Variants in ABCB8 observed in about 807,000 individuals in gnomAD.
The protein encoded by ABCB8 is ATP binding cassette subfamily B member 8.
Under a neutral mutation model 73.0 loss-of-function variants are expected in ABCB8, and 52 were observed. That is an observed-to-expected ratio of 0.71 (90% CI 0.57 to 0.90). ABCB8 has a LOEUF of 0.90. Ranked by LOEUF, ABCB8 falls within the 40% of genes least tolerant of loss-of-function variation. The pLI, the probability that ABCB8 is intolerant of heterozygous loss-of-function variation, is 0.00. For synonymous variants in ABCB8, 428 were observed against 423.5 expected (o/e 1.01, Z -0.13); for missense variants, 909 against 974.6 (o/e 0.93, Z 0.90).
intron 1 of ABCB8, chr7:151,032,826 C>T (rs759758052): frequency 1.2e-5 from 4 of 329,278 alleles, no homozygotes; most frequent in Non-Finnish European, 2.5e-5. Context: ...TCTTATTTTT[C>T]TCTGTTTCCT....
At chr7:151,031,167 A>G (rs1796151060) in intron 1 of ABCB8, 1 of 967,112 alleles carries the variant, frequency 1.0e-6, no homozygotes, top group African/African-American at 1.6e-5. Flanking sequence ...CAACAAGCAT[A>G]AACATTTGCG....
chr7:151,045,375 T>G lies in ABCB8; in HGVS notation c.*26T>G, dbSNP rs761234648. ...GAAGGGCCCCCTGAGGTGTGGTCGC[T>G]GCCAAGCATCAGTGTTAGGGCTGGG... On this transcript the variant is annotated 3_prime_UTR_variant, in exon 16 of 16. Transcript: ENST00000358849. The G allele has an allele frequency of 6.7e-7, 1 of 1,500,742 alleles. No homozygotes were observed. Among genetic ancestry groups the G allele is most frequent in the African/African-American group, 1.4e-5 (1 of 70,000 alleles). The allele number at this position is 1,500,742 out of a possible 1,614,324, so 93.0% of individuals were successfully genotyped here.
chr7:151,040,342 T>C (rs1342759287), intron 10 of ABCB8, 41 bp downstream of exon 10: 1 of 1,606,392 alleles, frequency 6.2e-7, no homozygotes, highest in Non-Finnish European at 8.5e-7. Context: ...GTGTGGAGTT[T>C]GTGCCGTGTG....
chr7:151,041,449 G>A (rs566007245), intron 13 of ABCB8, among the ~76,000 whole-genome samples: 21 of 152,352 alleles, frequency 1.4e-4, no homozygotes, highest in African/African-American at 4.8e-4. Context: ...GAGCAGGGAC[G>A]CTTTGTCCGC....
At chr7:151,035,545 A>G (rs752529638) in intron 5 of ABCB8, 36 bp from the exon 6 acceptor site, 12 of 1,554,018 alleles carry the variant, frequency 7.7e-6, no homozygotes, top group Non-Finnish European at 1.0e-5. Context: ...CATGGTGCGG[A>G]CGCCGTAGCC....
chr7:151,036,541 C>T lies in ABCB8; in HGVS notation c.1112-3C>T, dbSNP rs374795352. ...GTCCTCCCTCACTTCCCCTCTCCTGCAGGCATGGTCTTGGGTACCCTATTT... is the reference window on the plus strand; with the variant it reads ...GTCCTCCCTCACTTCCCCTCTCCTGTAGGCATGGTCTTGGGTACCCTATTT... On this transcript the variant is annotated splice_polypyrimidine_tract_variant and splice_region_variant and intron_variant, in intron 8 of 15. Transcript: ENST00000358849. 5 of 1,613,398 alleles carry T rather than the reference C, an allele frequency of 3.1e-6. No individual in the cohort carries two copies. The African/African-American group carries it at 5.3e-5, about 17-fold the overall frequency.
At chr7:151,039,878 G>A (rs4148848) in intron 9 of ABCB8, 26,552 of 190,770 alleles carry the variant, frequency 0.14, 1,978 homozygotes, top group East Asian at 0.25. Flanking sequence ...CAGGGAGTCC[G>A]TGGGTCAGCT....
At chr7:151,031,476 T>A in intron 1 of ABCB8, 1 of 716,748 alleles carries the variant, frequency 1.4e-6, no homozygotes, top group East Asian at 2.8e-5. Flanking sequence ...AAGGCCATGA[T>A]GGTAAAGAGA....
In ABCB8 at chr7:151,040,281, C is replaced by T; in HGVS notation, c.1231C>T (p.Leu411Phe). The T allele has an allele frequency of 1.2e-6, 2 of 1,613,272 alleles. No homozygotes were observed. The highest frequency in any genetic ancestry group is 1.7e-6 in the Non-Finnish European group (2 of 1,179,640). The change falls in exon 10 of 16, where the codon CTC becomes TTC. Residue 411 changes from leucine (L) to phenylalanine (F), a missense_variant. Leu to Phe is a conservative substitution (Grantham distance 22, BLOSUM62 0). Coordinates refer to ENST00000358849, the MANE Select transcript of ABCB8 (RefSeq NM_007188.5). ...SQTVQRSMAN[L>F]SVLFGQVVRG... Reference sequence around the variant, plus strand: ...TTTTTCTGACAGGTCCATGGCCAACCTCTCTGTCCTGTTTGGGCAGGTGAG... The same window carrying T: ...TTTTTCTGACAGGTCCATGGCCAACTTCTCTGTCCTGTTTGGGCAGGTGAG...
intron 1 of ABCB8, among the ~76,000 whole-genome samples, chr7:151,030,673 C>G (rs1053264981): frequency 3.3e-5 from 5 of 152,186 alleles, no homozygotes; most frequent in African/African-American, 1.2e-4. Context: ...GGTGCGTTGG[C>G]TCACGCCTGT....
intron 1 of ABCB8, among the ~76,000 whole-genome samples, chr7:151,032,455 G>A (rs1272010197): frequency 2.0e-5 from 3 of 152,178 alleles, no homozygotes; most frequent in African/African-American, 7.2e-5. Context: ...CAGCACTTTG[G>A]GAGGCTGAGG....
At chr7:151,040,978 A>G in intron 12 of ABCB8, 56 bp downstream of exon 12, 8 of 1,605,824 alleles carry the variant, frequency 5.0e-6, no homozygotes, top group African/African-American at 1.3e-5. Flanking sequence ...AGCCACTCAG[A>G]GCAAGGCCGG....
intron 1 of ABCB8, among the ~76,000 whole-genome samples, chr7:151,029,344 G>GCAC (rs1796079169): frequency 6.6e-6 from 1 of 151,670 alleles, no homozygotes; most frequent in Non-Finnish European, 1.5e-5. Context: ...TTGTACATGT[G>GCAC]TGTTTTTCGC....
chr7:151,035,909 G>A lies in ABCB8; in HGVS notation c.955G>A (p.Glu319Lys), dbSNP rs750804178. Reference protein sequence around the residue: ...QIARAMGVADEALGNVRTVRA... With the variant: ...QIARAMGVADKALGNVRTVRA... Reference sequence around the variant, plus strand: ...CGCCAGGGCAATGGGCGTAGCAGACGAGGCCCTGGGCAATGTGCGGACTGT... The same window carrying A: ...CGCCAGGGCAATGGGCGTAGCAGACAAGGCCCTGGGCAATGTGCGGACTGT... The change falls in exon 7 of 16, where the codon GAG becomes AAG. Residue 319 changes from glutamate (E) to lysine (K), a missense_variant. Glu to Lys is a moderately conservative substitution (Grantham distance 56, BLOSUM62 1). Coordinates refer to ENST00000358849, the MANE Select transcript of ABCB8 (RefSeq NM_007188.5). 7.4e-6 allele frequency: 12 copies of A among 1,613,542 alleles called. No homozygotes were observed. The highest frequency in any genetic ancestry group is 4.4e-5 in the South Asian group (4 of 91,078).
At chr7:151,033,329 GC>G in intron 1 of ABCB8, 2 of 1,070,122 alleles carry the variant, frequency 1.9e-6, no homozygotes, top group Non-Finnish European at 2.5e-6. Flanking sequence ...GGCTGCGAGG[GC>G]CCTGGCTGGC....
intron 13 of ABCB8, among the ~76,000 whole-genome samples, 189 bp from the exon 14 acceptor site, chr7:151,041,772 G>A (rs896154752): frequency 6.6e-5 from 10 of 152,198 alleles, no homozygotes; most frequent in Non-Finnish European, 1.3e-4. Flanking sequence ...GTAGGAAGTC[G>A]AACTGTCCTT....
In ABCB8 at chr7:151,045,696, C is replaced by T. The variant is rs1387833917; in HGVS notation, c.*347C>T. On this transcript the variant is annotated 3_prime_UTR_variant, in exon 16 of 16. Coordinates refer to ENST00000358849, the MANE Select transcript of ABCB8 (RefSeq NM_007188.5). Reference sequence around the variant, plus strand: ...CGTTCTGGCCAGTCTCCCTGCCCCACCCAGCAGCTTCAAATTGGCCAGGCC... The same window carrying T: ...CGTTCTGGCCAGTCTCCCTGCCCCATCCAGCAGCTTCAAATTGGCCAGGCC... The T allele has an allele frequency of 4.3e-6, 1 of 233,102 alleles. No homozygotes were observed. Among genetic ancestry groups the T allele is most frequent in the Non-Finnish European group, 8.2e-6 (1 of 121,234 alleles). 14.4% of individuals were successfully genotyped at this position (233,102 alleles called of 1,614,324 possible). A position where few individuals can be genotyped will look rare whatever the true frequency, so the allele number is the denominator to read the frequency against.
chr7:151,028,482 C>G lies in ABCB8; in HGVS notation c.-34C>G. On this transcript the variant is annotated 5_prime_UTR_variant, in exon 1 of 16. Transcript: ENST00000358849. ...CCTCAGTGGGATGAGGGTGAAACTG[C>G]TATTGCCGGCGGCTCCTGTTTTACC... 3.1e-6 allele frequency: 5 copies of G among 1,596,018 alleles called. No individual in the cohort carries two copies. The highest frequency in any genetic ancestry group is 3.4e-4 in the Middle Eastern group (2 of 5,938).
intron 1 of ABCB8, among the ~76,000 whole-genome samples, chr7:151,029,972 A>G (rs1796112141): frequency 6.6e-6 from 1 of 152,220 alleles, no homozygotes; most frequent in Non-Finnish European, 1.5e-5. Flanking sequence ...AGTAATCCAC[A>G]TGCTCTTGGC....
Sources: allele counts gnomAD v4.1 joint callset (sites outside exome capture counted in the v4.1 genomes callset), GRCh38; gene constraint gnomAD v4.1.1; transcripts MANE v1.5; gene names NCBI Gene and HGNC (gene_info 2026-07-23, HGNC 2026-07-21).